The following TRPM3 variants were observed in gnomAD, a reference collection of about 807,000 sequenced individuals.
The protein encoded by TRPM3 is transient receptor potential cation channel subfamily M member 3, also known as long transient receptor potential channel 3.
In TRPM3, 77 loss-of-function variants were observed where a neutral mutation model predicts 181.2. That is an observed-to-expected ratio of 0.42 (90% CI 0.35 to 0.51). TRPM3 has a LOEUF of 0.51. TRPM3 is among the 20% of genes least tolerant of loss of function. The probability of loss-of-function intolerance (pLI) is 0.01; values close to 1 mark genes in which losing one functional copy is unlikely to be tolerated. For missense variants in TRPM3, 1,759 were observed against 2,196.7 expected (o/e 0.80, Z 3.98); for synonymous variants, 745 against 796.4 (o/e 0.94, Z 1.09).
Position 70,537,032 on chromosome 9 carries a change from C to T in TRPM3, c.4081G>A (p.Gly1361Ser). The change falls in exon 26 of 26, where the codon GGT becomes AGT. Residue 1361 changes from glycine to serine, a missense_variant. Coordinates refer to ENST00000677713, the MANE Select transcript of TRPM3 (RefSeq NM_001366145.2). ...FYSVNMKDKG[G>S]IEKLESIFKE... ...AAAATACTTTCCAACTTTTCTATAC[C>T]ACCTTTGTCTTTCATATTGACCGAA... 1 of 1,611,030 alleles carries T rather than the reference C, an allele frequency of 6.2e-7. No homozygotes were observed. Among genetic ancestry groups the T allele is most frequent in the Non-Finnish European group, 8.5e-7 (1 of 1,177,384 alleles).
chr9:71,212,625 G>A (rs2079576558), intron 1 of TRPM3, among the ~76,000 whole-genome samples: 1 of 152,138 alleles, frequency 6.6e-6, no homozygotes, highest in Admixed American at 6.5e-5. Flanking sequence ...GCTGACACTA[G>A]CATTCCCCAT....
intron 5 of TRPM3, among the ~76,000 whole-genome samples, chr9:70,828,568 ATAAT>A (rs1440391087): frequency 6.6e-6 from 1 of 152,168 alleles, no homozygotes; most frequent in Non-Finnish European, 1.5e-5. Context: ...TGAATATAAA[ATAAT>A]TGTCTCATGA....
intron 1 of TRPM3, among the ~76,000 whole-genome samples, chr9:71,072,211 T>C (rs1256722662): frequency 2.0e-5 from 3 of 152,216 alleles, no homozygotes; most frequent in Non-Finnish European, 4.4e-5. Flanking sequence ...TTCTACATTT[T>C]TGAGATTTCT....
At chr9:71,190,757 C>T (rs943069355) in intron 1 of TRPM3, among the ~76,000 whole-genome samples, 1 of 151,810 alleles carries the variant, frequency 6.6e-6, no homozygotes, top group African/African-American at 2.4e-5. Context: ...CAACTGAATG[C>T]CATGTCCTCT....
At chr9:71,207,193 A>C (rs2131773746) in intron 1 of TRPM3, among the ~76,000 whole-genome samples, 1 of 152,278 alleles carries the variant, frequency 6.6e-6, no homozygotes, top group African/African-American at 2.4e-5. Flanking sequence ...CTTAAATAAA[A>C]GGATTAAGAC....
At chr9:70,557,337 G>A (rs2047962433) in intron 22 of TRPM3, among the ~76,000 whole-genome samples, 1 of 152,192 alleles carries the variant, frequency 6.6e-6, no homozygotes, top group Non-Finnish European at 1.5e-5. Context: ...GATGATCCTT[G>A]TTACCATGAT....
At chr9:70,657,868 A>G (rs1276670460) in intron 9 of TRPM3, among the ~76,000 whole-genome samples, 1 of 152,140 alleles carries the variant, frequency 6.6e-6, no homozygotes, top group Non-Finnish European at 1.5e-5. Context: ...TCAATCCTCA[A>G]GGCCCAGGGA....
At chr9:71,241,811 T>C (rs2081709669) in intron 1 of TRPM3, among the ~76,000 whole-genome samples, 1 of 152,206 alleles carries the variant, frequency 6.6e-6, no homozygotes, top group African/African-American at 2.4e-5. Flanking sequence ...AAGTGATACA[T>C]GCAGATCCAC....
chr9:70,823,233 C>A (rs182645419), intron 6 of TRPM3, among the ~76,000 whole-genome samples: 81 of 152,312 alleles, frequency 5.3e-4, no homozygotes, highest in African/African-American at 1.9e-3. Flanking sequence ...CTCTCACCTG[C>A]ATTATTGCAA....
chr9:71,045,847 T>C lies in TRPM3; in HGVS notation c.177+75331A>G, dbSNP rs187737541. The stretch of plus-strand genomic sequence containing the variant: ...AATGTTCAGGTTCTAACCCATAAAA[T>C]TGGGGATTCAATAGCCAAATAATTT... On this transcript the variant is annotated intron_variant, in intron 1 of 25. Coordinates refer to ENST00000677713, the MANE Select transcript of TRPM3 (RefSeq NM_001366145.2). Among the ~76,000 whole-genome samples, 41 of 152,268 alleles carry C rather than the reference T, an allele frequency of 2.7e-4. No individual in the cohort carries two copies. The East Asian group carries it at 2.7e-3, about 10-fold the overall frequency.
chr9:71,117,708 T>G (rs2072721190), intron 1 of TRPM3, among the ~76,000 whole-genome samples: 1 of 152,188 alleles, frequency 6.6e-6, no homozygotes, highest in African/African-American at 2.4e-5. Flanking sequence ...TTTCTGACAT[T>G]GCTTAAAGTG....
At chr9:71,379,566 T>C (rs751759148) in intron 1 of TRPM3, among the ~76,000 whole-genome samples, 2 of 152,038 alleles carry the variant, frequency 1.3e-5, no homozygotes, top group Non-Finnish European at 2.9e-5. Context: ...TTTTTAAGAA[T>C]ACCTAAAATA....
intron 7 of TRPM3, chr9:70,776,448 CT>C: frequency 2.8e-6 from 2 of 713,684 alleles, no homozygotes; most frequent in East Asian, 2.7e-5. Context: ...TTTCCTCTTC[CT>C]TTTTTCTTTC....
intron 8 of TRPM3, among the ~76,000 whole-genome samples, chr9:70,741,499 CA>C (rs1455977147): frequency 6.6e-6 from 1 of 152,010 alleles, no homozygotes; most frequent in Non-Finnish European, 1.5e-5. Flanking sequence ...AGTCATTATA[CA>C]AAAAAAGATA....
intron 21 of TRPM3, 83 bp downstream of exon 21, chr9:70,598,336 C>A (rs2059356796): frequency 1.3e-6 from 2 of 1,535,822 alleles, no homozygotes; most frequent in Non-Finnish European, 1.8e-6. Context: ...TGATAGCAGG[C>A]CCAAATGAAT....
At chr9:71,058,373 G>A (rs2060909788) in intron 1 of TRPM3, among the ~76,000 whole-genome samples, 1 of 152,020 alleles carries the variant, frequency 6.6e-6, no homozygotes. Context: ...ACCAGGGACG[G>A]AGACTGCACA....
At chr9:71,105,637 G>A (rs1364122119) in intron 1 of TRPM3, among the ~76,000 whole-genome samples, 1 of 152,140 alleles carries the variant, frequency 6.6e-6, no homozygotes, top group East Asian at 1.9e-4. Flanking sequence ...GGGCCAGATA[G>A]AAGAGGCATG....
intron 22 of TRPM3, among the ~76,000 whole-genome samples, chr9:70,585,218 C>T (rs1192690352): frequency 6.6e-6 from 1 of 152,192 alleles, no homozygotes; most frequent in Non-Finnish European, 1.5e-5. Flanking sequence ...CAAAAGTCAC[C>T]AGTGACTTCC....
chr9:70,866,888 A>C (rs188617140), intron 1 of TRPM3, among the ~76,000 whole-genome samples: 5 of 152,162 alleles, frequency 3.3e-5, no homozygotes, highest in Admixed American at 1.3e-4. Context: ...GAGATGCAGC[A>C]ATACATTCTA....
Sources: allele counts gnomAD v4.1 joint callset (sites outside exome capture counted in the v4.1 genomes callset), GRCh38; gene constraint gnomAD v4.1.1; transcripts MANE v1.5; gene names NCBI Gene and HGNC (gene_info 2026-07-23, HGNC 2026-07-21).